The following CDK14 variants were observed in gnomAD, a reference collection of about 807,000 sequenced individuals.
The protein encoded by CDK14 is cyclin dependent kinase 14.
In CDK14, 34 loss-of-function variants were observed where a neutral mutation model predicts 60.7. The ratio of observed to expected loss-of-function variants is 0.56; its 90% CI spans 0.43 to 0.75. CDK14 has a LOEUF of 0.75. Among genes scored for constraint, CDK14 ranks in the 30% least tolerant of loss-of-function variants. The pLI is 0.00. For synonymous variants in CDK14, 197 were observed against 203.7 expected, an observed-to-expected ratio of 0.97 and a Z score of 0.28; for missense variants, 482 against 564.1, an observed-to-expected ratio of 0.85 and a Z score of 1.47.
intron 8 of CDK14, among the ~76,000 whole-genome samples, chr7:90,921,910 A>G (rs1584126379): frequency 6.6e-6 from 1 of 152,238 alleles, no homozygotes; most frequent in South Asian, 2.1e-4. Context: ...CATGTTTTAG[A>G]TTAATTTGAA....
chr7:90,806,982 G>C (rs1443023306), intron 5 of CDK14, among the ~76,000 whole-genome samples: 2 of 152,210 alleles, frequency 1.3e-5, no homozygotes, highest in African/African-American at 4.8e-5. Flanking sequence ...GCTCAAACTG[G>C]GTGGAGCCCA....
intron 3 of CDK14, among the ~76,000 whole-genome samples, chr7:90,740,292 A>AG (rs1803293933): frequency 2.4e-5 from 3 of 123,376 alleles, no homozygotes; most frequent in East Asian, 3.1e-4. Context: ...GAGAGAGAGA[A>AG]AGAAAGAAAG....
chr7:90,882,075 C>A (rs1261142423), intron 6 of CDK14, among the ~76,000 whole-genome samples: 1 of 152,014 alleles, frequency 6.6e-6, no homozygotes, highest in African/African-American at 2.4e-5. Context: ...AGGATAAATT[C>A]ACATATACCA....
intron 3 of CDK14, among the ~76,000 whole-genome samples, chr7:90,731,712 G>A (rs1051039563): frequency 1.3e-5 from 2 of 152,188 alleles, no homozygotes; most frequent in African/African-American, 2.4e-5. Flanking sequence ...CTTTGTTGAA[G>A]TTGCTTATCA....
intron 14 of CDK14, among the ~76,000 whole-genome samples, chr7:91,154,140 G>C (rs1484498876): frequency 6.6e-6 from 1 of 151,246 alleles, no homozygotes; most frequent in South Asian, 2.1e-4. Flanking sequence ...ATATTTCCAG[G>C]TTTTAGGGGT....
chr7:91,194,501 G>T (rs1348568702), intron 14 of CDK14, among the ~76,000 whole-genome samples: 1 of 151,872 alleles, frequency 6.6e-6, no homozygotes, highest in Non-Finnish European at 1.5e-5. Flanking sequence ...GGCTGTGGGG[G>T]TTTTTCCCCC....
chr7:91,064,514 A>G (rs1797914158), intron 11 of CDK14, among the ~76,000 whole-genome samples: 1 of 152,232 alleles, frequency 6.6e-6, no homozygotes, highest in African/African-American at 2.4e-5. Flanking sequence ...TTTGCAAACC[A>G]CAGAGGATAC....
intron 2 of CDK14, chr7:90,632,245 C>T (rs1800019041): frequency 4.5e-6 from 1 of 220,894 alleles, no homozygotes; most frequent in South Asian, 6.6e-5. Flanking sequence ...TGAGAAGAAC[C>T]ACTGGGTGTC....
chr7:90,609,451 A>T (rs553303199), intron 2 of CDK14, among the ~76,000 whole-genome samples: 1 of 152,022 alleles, frequency 6.6e-6, no homozygotes, highest in East Asian at 1.9e-4. Flanking sequence ...ATCCTTCTTG[A>T]ATGATTTAGA....
At chr7:90,715,657 C>CTTTT (rs34981055) in intron 2 of CDK14, among the ~76,000 whole-genome samples, 1 of 124,970 alleles carries the variant, frequency 8.0e-6, no homozygotes, top group Non-Finnish European at 1.7e-5. Context: ...AGGAATAGAC[C>CTTTT]TTTTTTTTTT....
At chr7:90,647,918 G>A (rs10953016) in intron 2 of CDK14, among the ~76,000 whole-genome samples, 46,148 of 152,058 alleles carry the variant, frequency 0.3, 7,904 homozygotes, top group East Asian at 0.67. Flanking sequence ...TTCAGGTCCA[G>A]TCAGGGGATC....
At chr7:90,753,113 G>A (rs1803913035) in intron 4 of CDK14, among the ~76,000 whole-genome samples, 1 of 152,126 alleles carries the variant, frequency 6.6e-6, no homozygotes, top group Non-Finnish European at 1.5e-5. Flanking sequence ...AAAAATTGAG[G>A]AAGATGGACA....
intron 11 of CDK14, among the ~76,000 whole-genome samples, chr7:91,053,126 C>T (rs368671073): frequency 6.6e-6 from 1 of 152,284 alleles, no homozygotes; most frequent in East Asian, 1.9e-4. Context: ...AAATAAAATA[C>T]TATGGTGATA....
intron 5 of CDK14, among the ~76,000 whole-genome samples, chr7:90,847,339 C>T (rs551214727): frequency 8.7e-4 from 133 of 152,122 alleles, no homozygotes; most frequent in Admixed American, 1.6e-3. Context: ...AAATAAGTAC[C>T]TGCCTTAGAA....
At chr7:91,057,218 T>A (rs370887528) in intron 11 of CDK14, among the ~76,000 whole-genome samples, 52 of 152,302 alleles carry the variant, frequency 3.4e-4, no homozygotes, top group East Asian at 1.2e-3. Context: ...TTTTGAGAAG[T>A]GTCTGTTCAT....
intron 10 of CDK14, among the ~76,000 whole-genome samples, chr7:90,992,961 GA>G (rs1737590938): frequency 6.6e-6 from 1 of 152,158 alleles, no homozygotes; most frequent in Non-Finnish European, 1.5e-5. Flanking sequence ...TGGGCTTTCT[GA>G]GTCAGTTCAC....
At chr7:91,176,519 A>G (rs2115843110) in intron 14 of CDK14, among the ~76,000 whole-genome samples, 1 of 152,310 alleles carries the variant, frequency 6.6e-6, no homozygotes, top group East Asian at 1.9e-4. Flanking sequence ...TGAATCCAGG[A>G]GCTGGTTTTT....
At chr7:90,838,198 A>G (rs190160705) in intron 5 of CDK14, among the ~76,000 whole-genome samples, 36 of 152,280 alleles carry the variant, frequency 2.4e-4, no homozygotes, top group Admixed American at 1.8e-3. Context: ...TTTTACTGCA[A>G]TCTCTGAACA....
rs1801980491 is a variant in CDK14 at position 90,709,460 on chromosome 7, C to A, written c.124-17107C>A. 27 of 1,563,482 alleles carry A rather than the reference C, an allele frequency of 1.7e-5. No homozygotes were observed. In the South Asian group the frequency reaches 3.1e-4, roughly 18 times the overall value. ...CACCATTAGCTGTTTGGCTCCCATT[C>A]TGTATTCTTCTGAAGCAGCCCTGCA... On this transcript the variant is annotated intron_variant, in intron 2 of 14. Coordinates refer to ENST00000380050, the MANE Select transcript of CDK14 (RefSeq NM_001287135.2).
Sources: allele counts gnomAD v4.1 joint callset (sites outside exome capture counted in the v4.1 genomes callset), GRCh38; gene constraint gnomAD v4.1.1; transcripts MANE v1.5; gene names NCBI Gene and HGNC (gene_info 2026-07-23, HGNC 2026-07-21).